Variants in EXOC2 observed in about 807,000 individuals in gnomAD.
EXOC2 encodes exocyst complex component 2.
EXOC2 carries 70 observed loss-of-function variants against 131.8 expected under a neutral mutation model. The ratio of observed to expected loss-of-function variants is 0.53; its 90% CI spans 0.44 to 0.65. The LOEUF (loss-of-function observed/expected upper bound fraction) is 0.65, where lower values mean the gene tolerates loss of function less well. Among genes scored for constraint, EXOC2 ranks in the 30% least tolerant of loss-of-function variants. The pLI is 0.00. For synonymous variants in EXOC2, 411 were observed against 398.4 expected, an observed-to-expected ratio of 1.03 and a Z score of -0.38; for missense variants, 923 against 1,108.6, an observed-to-expected ratio of 0.83 and a Z score of 2.38.
intron 2 of EXOC2, 82 bp downstream of exon 2, chr6:637,619 T>C (rs1762159613): frequency 2.8e-6 from 3 of 1,055,346 alleles, no homozygotes; most frequent in Non-Finnish European, 2.8e-6. Context: ...TCACCTTCAC[T>C]GTTTGAAAAT....
chr6:495,246 C>T (rs1288194350), intron 25 of EXOC2, among the ~76,000 whole-genome samples: 2 of 151,934 alleles, frequency 1.3e-5, no homozygotes, highest in East Asian at 1.9e-4. Context: ...CTGCCTCAGC[C>T]TCCCGAGTAG....
intron 13 of EXOC2, among the ~76,000 whole-genome samples, chr6:571,938 T>C (rs1187899503): frequency 6.6e-6 from 1 of 152,246 alleles, no homozygotes; most frequent in Non-Finnish European, 1.5e-5. Flanking sequence ...TTCCTTTATG[T>C]TCATGCCTTC....
intron 1 of EXOC2, among the ~76,000 whole-genome samples, chr6:680,021 A>G (rs1317381130): frequency 2.4e-5 from 2 of 84,824 alleles, no homozygotes; most frequent in Non-Finnish European, 5.7e-5. Flanking sequence ...ACTCCGGATG[A>G]CTATTTTTTT....
At position 617,797 on chromosome 6, in the gene EXOC2, C is replaced by T. The variant is rs754717150; in HGVS notation, c.575G>A (p.Arg192Lys). The change falls in exon 6 of 28, where the codon AGA becomes AAA. Residue 192 changes from arginine to lysine, a missense_variant. Transcript: ENST00000230449. Reference protein sequence around the residue: ...QLKMAVTNLKRQANKKSEGSL... With the variant: ...QLKMAVTNLKKQANKKSEGSL... ...GCCCTCACTCTTCTTGTTAGCCTGT[C>T]TCTTTAGGTTGGTGACTGCCATTTT... The T allele has an allele frequency of 2.5e-6, 4 of 1,613,564 alleles. No individual in the cohort carries two copies. The Admixed American group carries it at 6.7e-5, about 27-fold the overall frequency.
intron 1 of EXOC2, among the ~76,000 whole-genome samples, chr6:639,805 G>T (rs1445748048): frequency 6.6e-6 from 1 of 152,152 alleles, no homozygotes; most frequent in African/African-American, 2.4e-5. Context: ...AGGGTCGCTG[G>T]AGATGAATGA....
intron 17 of EXOC2, among the ~76,000 whole-genome samples, chr6:560,688 C>T (rs1416841437): frequency 6.6e-6 from 1 of 151,846 alleles, no homozygotes; most frequent in Non-Finnish European, 1.5e-5. Flanking sequence ...GAATAGAAAC[C>T]CAATCGATTA....
intron 1 of EXOC2, among the ~76,000 whole-genome samples, chr6:658,647 A>T (rs376119285): frequency 0.034 from 2,348 of 70,088 alleles, 58 homozygotes; most frequent in African/African-American, 0.094. Context: ...TATATATTTT[A>T]TATATATATA....
chr6:545,958 C>G (rs545498092), intron 22 of EXOC2, among the ~76,000 whole-genome samples: 86 of 152,180 alleles, frequency 5.7e-4, no homozygotes, highest in African/African-American at 1.5e-3. Context: ...AATACAATGT[C>G]AAATGAATTC....
At chr6:598,724 G>T in intron 9 of EXOC2, 136 bp downstream of exon 9, 2 of 622,304 alleles carry the variant, frequency 3.2e-6, no homozygotes, top group Non-Finnish European at 5.5e-6. Flanking sequence ...TATTTCTGAA[G>T]TAATTGCTTT....
chr6:569,450 TACA>T (rs1220776032), intron 13 of EXOC2, among the ~76,000 whole-genome samples: 1 of 152,244 alleles, frequency 6.6e-6, no homozygotes, highest in Non-Finnish European at 1.5e-5. Flanking sequence ...GGGCTCTTAA[TACA>T]ACAAGATAGT....
intron 4 of EXOC2, among the ~76,000 whole-genome samples, chr6:621,548 T>C (rs923969667): frequency 3.3e-5 from 5 of 152,236 alleles, no homozygotes; most frequent in Admixed American, 6.5e-5. Flanking sequence ...ACTGTCCTTC[T>C]TCACTATGTT....
intron 11 of EXOC2, among the ~76,000 whole-genome samples, chr6:579,999 A>C (rs1046921724): frequency 6.6e-6 from 1 of 151,980 alleles, no homozygotes. Flanking sequence ...TCATTTAAAA[A>C]ACTATACACA....
At chr6:561,287 C>A (rs544813956) in intron 17 of EXOC2, among the ~76,000 whole-genome samples, 42 of 152,246 alleles carry the variant, frequency 2.8e-4, no homozygotes, top group African/African-American at 7.5e-4. Context: ...CAGGTTCTGC[C>A]TCTGTGAATT....
At chr6:668,749 T>A (rs1290131013) in intron 1 of EXOC2, among the ~76,000 whole-genome samples, 1 of 152,232 alleles carries the variant, frequency 6.6e-6, no homozygotes, top group Non-Finnish European at 1.5e-5. Flanking sequence ...TCAGGTTCCC[T>A]ACATAAAATT....
chr6:686,739 G>A (rs1300995753), intron 1 of EXOC2, among the ~76,000 whole-genome samples: 2 of 152,186 alleles, frequency 1.3e-5, no homozygotes, highest in African/African-American at 2.4e-5. Context: ...AGCATGCCAT[G>A]TCTCCTCCTA....
chr6:548,458 C>G (rs1756974737), intron 22 of EXOC2, among the ~76,000 whole-genome samples: 1 of 152,188 alleles, frequency 6.6e-6, no homozygotes, highest in Non-Finnish European at 1.5e-5. Context: ...AACCAATCAA[C>G]CTTAATAACA....
At chr6:605,939 C>G (rs1291704742) in intron 7 of EXOC2, among the ~76,000 whole-genome samples, 1 of 152,308 alleles carries the variant, frequency 6.6e-6, no homozygotes, top group Admixed American at 6.5e-5. Context: ...ATCTTTATTT[C>G]TGCCTTCATT....
At chr6:562,640 A>G in intron 17 of EXOC2, 144 bp downstream of exon 17, 1 of 489,880 alleles carries the variant, frequency 2.0e-6, no homozygotes, top group South Asian at 6.8e-5. Context: ...TTAAGCAAAA[A>G]TGTCTCTGAG....
chr6:552,274 T>G (rs1274892333), intron 21 of EXOC2, among the ~76,000 whole-genome samples: 1 of 152,230 alleles, frequency 6.6e-6, no homozygotes, highest in Non-Finnish European at 1.5e-5. Flanking sequence ...CTTTTCCTTG[T>G]GAGGACCAAG....
Sources: gnomAD v4.1 joint callset for allele counts (sites outside exome capture counted in the v4.1 genomes callset) on GRCh38, gnomAD v4.1.1 for gene constraint, MANE v1.5 for transcripts, NCBI Gene and HGNC (gene_info 2026-07-23, HGNC 2026-07-21) for gene names.